Variants in DDC observed in about 807,000 individuals in gnomAD.
The protein encoded by DDC is aromatic-L-amino-acid decarboxylase.
Under a neutral mutation model 60.0 loss-of-function variants are expected in DDC, and 43 were observed. That is an observed-to-expected ratio of 0.72 (90% CI 0.56 to 0.92). The LOEUF (loss-of-function observed/expected upper bound fraction) is 0.92, where lower values mean the gene tolerates loss of function less well. Among genes scored for constraint, DDC ranks in the 40% least tolerant of loss-of-function variants. The probability of loss-of-function intolerance (pLI) is 0.00; values close to 1 mark genes in which losing one functional copy is unlikely to be tolerated. For synonymous variants in DDC, 232 were observed against 234.6 expected, an observed-to-expected ratio of 0.99 and a Z score of 0.10; for missense variants, 573 against 620.2, an observed-to-expected ratio of 0.92 and a Z score of 0.81.
At chr7:50,488,807 T>C (rs539646099) in intron 9 of DDC, among the ~76,000 whole-genome samples, 33 of 152,228 alleles carry the variant, frequency 2.2e-4, no homozygotes, top group Non-Finnish European at 4.3e-4. Flanking sequence ...TTAATTTTCA[T>C]AAACCAAAAT....
intron 6 of DDC, among the ~76,000 whole-genome samples, chr7:50,513,055 T>C (rs1259149083): frequency 1.3e-5 from 2 of 152,150 alleles, no homozygotes; most frequent in African/African-American, 4.8e-5. Flanking sequence ...TAGCTCCAGG[T>C]TGACTGCAAG....
chr7:50,525,796 T>A (rs1445109297), intron 6 of DDC, among the ~76,000 whole-genome samples: 1 of 151,994 alleles, frequency 6.6e-6, no homozygotes, highest in East Asian at 1.9e-4. Context: ...TAAGTTAAAA[T>A]TTTTTAATGT....
intron 2 of DDC, chr7:50,540,262 G>A: frequency 2.0e-6 from 1 of 502,706 alleles, no homozygotes; most frequent in South Asian, 1.9e-5. Context: ...TTTGACACTG[G>A]AATGTATTTG....
intron 1 of DDC, among the ~76,000 whole-genome samples, chr7:50,563,166 CA>C (rs11306685): frequency 0.88 from 100,758 of 115,094 alleles, 43,795 homozygotes; most frequent in Middle Eastern, 0.94. Flanking sequence ...GACTCCATCT[CA>C]AAAAAAAAAA....
chr7:50,547,700 G>A (rs1483394403), intron 1 of DDC, among the ~76,000 whole-genome samples: 1 of 152,086 alleles, frequency 6.6e-6, no homozygotes, highest in Non-Finnish European at 1.5e-5. Context: ...AAAGGACTGC[G>A]AGTCACACCC....
chr7:50,492,729 T>A, intron 9 of DDC: 1 of 1,360,064 alleles, frequency 7.4e-7, no homozygotes, highest in Non-Finnish European at 9.5e-7. Flanking sequence ...CATCCCTGTG[T>A]GTCCTGTGTC....
chr7:50,462,856 G>A (rs931162106), intron 14 of DDC, among the ~76,000 whole-genome samples: 6 of 134,586 alleles, frequency 4.5e-5, no homozygotes, highest in Admixed American at 8.7e-5. Flanking sequence ...GGCAACCTCC[G>A]CCTCCCAGGT....
intron 14 of DDC, among the ~76,000 whole-genome samples, chr7:50,461,757 C>T (rs980200838): frequency 6.6e-6 from 1 of 152,212 alleles, no homozygotes; most frequent in Non-Finnish European, 1.5e-5. Flanking sequence ...ATAACTTCAA[C>T]ATATAAGCCT....
intron 1 of DDC, among the ~76,000 whole-genome samples, chr7:50,553,750 G>T (rs774674436): frequency 3.9e-5 from 6 of 152,058 alleles, no homozygotes; most frequent in South Asian, 2.1e-4. Flanking sequence ...CTCCCAAAGT[G>T]CTGGGATTAC....
At chr7:50,521,135 C>A (rs1309150279) in intron 6 of DDC, among the ~76,000 whole-genome samples, 1 of 151,902 alleles carries the variant, frequency 6.6e-6, no homozygotes. Context: ...CATTACTAAT[C>A]CTATGGACAT....
chr7:50,556,047 A>G (rs984036224), intron 1 of DDC, among the ~76,000 whole-genome samples: 5 of 152,206 alleles, frequency 3.3e-5, no homozygotes, highest in African/African-American at 1.2e-4. Context: ...TGAGGACCAC[A>G]GGGGCACCGC....
At chr7:50,470,307 T>G in intron 11 of DDC, 136 bp from the exon 12 acceptor site, 2 of 730,658 alleles carry the variant, frequency 2.7e-6, no homozygotes, top group Non-Finnish European at 5.0e-6. Flanking sequence ...TGCCATGGCC[T>G]GTCTTGGATG....
chr7:50,499,145 T>C lies in DDC; in HGVS notation c.876+3A>G, dbSNP rs768863182. 6.2e-7 allele frequency: 1 copy of C among 1,610,350 alleles called. No homozygotes were observed. The highest frequency in any genetic ancestry group is 8.5e-7 in the Non-Finnish European group (1 of 1,176,606). ...CCTTAGGGAGAGCGAAGGGTGCACC[T>C]ACCTCCACTCCATTCAGAAGGTGCC... On this transcript the variant is annotated splice_donor_region_variant and intron_variant, in intron 8 of 14. Coordinates refer to ENST00000444124, the MANE Select transcript of DDC (RefSeq NM_001082971.2).
At chr7:50,523,891 A>G (rs760291697) in intron 6 of DDC, among the ~76,000 whole-genome samples, 84 of 152,258 alleles carry the variant, frequency 5.5e-4, no homozygotes, top group Non-Finnish European at 7.8e-4. Context: ...CACTTCATTA[A>G]TAACTGTCAA....
chr7:50,507,306 C>T (rs1001096663), intron 6 of DDC, among the ~76,000 whole-genome samples: 1 of 152,014 alleles, frequency 6.6e-6, no homozygotes, highest in African/African-American at 2.4e-5. Flanking sequence ...GGTGCGATCT[C>T]AGCTCACTGC....
rs368112312 is a variant in DDC at position 50,511,114 on chromosome 7, T to C, written c.715-7055A>G. Reference sequence around the variant, plus strand: ...TAATATATAATTTATTTAATAGGAGTTCATAAAATATGAATTTTATGAATA... The same window carrying C: ...TAATATATAATTTATTTAATAGGAGCTCATAAAATATGAATTTTATGAATA... On this transcript the variant is annotated intron_variant, in intron 6 of 14. Coordinates refer to ENST00000444124, the MANE Select transcript of DDC (RefSeq NM_001082971.2). Among the ~76,000 whole-genome samples, 71 of 144,092 alleles carry C rather than the reference T, an allele frequency of 4.9e-4. 1 individual carries two copies. In the South Asian group the frequency reaches 0.015, roughly 31 times the overall value. 94.5% of individuals were successfully genotyped at this position (144,092 alleles called of 152,430 possible). A position where few individuals can be genotyped will look rare whatever the true frequency, so the allele number is the denominator to read the frequency against.
At chr7:50,537,779 G>GTGCC in intron 4 of DDC, 81 bp downstream of exon 4, 1 of 1,539,234 alleles carries the variant, frequency 6.5e-7, no homozygotes, top group East Asian at 2.2e-5. Context: ...AGAAGCATGA[G>GTGCC]TGCCTCTTTC....
At chr7:50,529,754 G>A (rs2044145916) in intron 4 of DDC, among the ~76,000 whole-genome samples, 1 of 152,164 alleles carries the variant, frequency 6.6e-6, no homozygotes, top group African/African-American at 2.4e-5. Context: ...ATTTGCATTT[G>A]TTTATAAAAT....
chr7:50,472,125 G>A (rs2042546251), intron 11 of DDC, among the ~76,000 whole-genome samples: 1 of 152,156 alleles, frequency 6.6e-6, no homozygotes, highest in African/African-American at 2.4e-5. Context: ...GCTCCTGGGT[G>A]CCTGCAGTAG....
Sources: allele counts gnomAD v4.1 joint callset (sites outside exome capture counted in the v4.1 genomes callset), GRCh38; gene constraint gnomAD v4.1.1; transcripts MANE v1.5; gene names NCBI Gene and HGNC (gene_info 2026-07-23, HGNC 2026-07-21).